The following SAE1 variants were observed in gnomAD, a reference collection of about 807,000 sequenced individuals.
The protein encoded by SAE1 is SUMO1 activating enzyme subunit 1.
Under a neutral mutation model 40.6 loss-of-function variants are expected in SAE1, and 11 were observed. The observed-to-expected ratio is 0.27, with a 90% CI of 0.17 to 0.45. The LOEUF is 0.45. Ranked by LOEUF, SAE1 falls within the 20% of genes least tolerant of loss-of-function variation. The pLI, the probability that SAE1 is intolerant of heterozygous loss-of-function variation, is 1.00. For missense variants in SAE1, 373 were observed against 427.3 expected (o/e 0.87, Z 1.12); for synonymous variants, 155 against 154.3 (o/e 1.00, Z -0.03).
At position 47,130,965 on chromosome 19, in the gene SAE1, G is replaced by A; in HGVS notation, c.35G>A (p.Ser12Asn). 2 of 1,549,984 alleles carry A rather than the reference G, an allele frequency of 1.3e-6. No individual in the cohort carries two copies. The highest frequency in any genetic ancestry group is 1.7e-6 in the Non-Finnish European group (2 of 1,146,494). Residue 12 changes from serine (S) to asparagine (N), a missense_variant, in exon 1 of 9, where the codon AGC becomes AAC. Transcript: ENST00000270225. ...AAGGAGGAGGCTGGCGGCGGCATTA[G>A]CGAGGAGGAGGCGGCACAGTATGAC... ...VEKEEAGGGI[S>N]EEEAAQYDRQ... is the part of the protein sequence containing the mutation.
chr19:47,189,676 T>TG (rs1422891219), intron 6 of SAE1, among the ~76,000 whole-genome samples: 1 of 152,130 alleles, frequency 6.6e-6, no homozygotes, highest in African/African-American at 2.4e-5. Context: ...GCTTTGGGCC[T>TG]GTCTCAGGTA....
At chr19:47,151,595 C>T (rs947261453) in intron 3 of SAE1, among the ~76,000 whole-genome samples, 1 of 152,166 alleles carries the variant, frequency 6.6e-6, no homozygotes, top group Non-Finnish European at 1.5e-5. Context: ...CTCAGCCTCC[C>T]GTTTTTACAC....
intron 6 of SAE1, among the ~76,000 whole-genome samples, chr19:47,192,146 C>G (rs1460256285): frequency 1.3e-5 from 2 of 152,114 alleles, no homozygotes; most frequent in Non-Finnish European, 1.5e-5. Context: ...GTGTCAGGCA[C>G]TATACTAAAC....
chr19:47,164,782 G>A (rs967873808), intron 5 of SAE1, among the ~76,000 whole-genome samples: 3 of 150,892 alleles, frequency 2.0e-5, no homozygotes, highest in Non-Finnish European at 2.9e-5. Flanking sequence ...CTGAGTAGAT[G>A]GAACTACAGG....
At chr19:47,190,980 T>C (rs966491312) in intron 6 of SAE1, among the ~76,000 whole-genome samples, 3 of 152,208 alleles carry the variant, frequency 2.0e-5, no homozygotes, top group African/African-American at 7.2e-5. Flanking sequence ...GGACCTGCTG[T>C]TTCTTTTGGA....
intron 7 of SAE1, among the ~76,000 whole-genome samples, chr19:47,202,909 C>CAAAAAAAAAAAAAAAAAAA (rs977786308): frequency 6.6e-6 from 1 of 151,980 alleles, no homozygotes; most frequent in African/African-American, 2.4e-5. Context: ...GACTCCGTCT[C>CAAAAAAAAAAAAAAAAAAA]AAAAAAAGTC....
intron 6 of SAE1, among the ~76,000 whole-genome samples, chr19:47,192,330 A>AT (rs1288704290): frequency 6.6e-6 from 1 of 151,950 alleles, no homozygotes; most frequent in Admixed American, 6.6e-5. Flanking sequence ...GGCTCACTGC[A>AT]ACCTCTGCCT....
chr19:47,208,498 T>C (rs553551816), intron 8 of SAE1, among the ~76,000 whole-genome samples: 1 of 152,248 alleles, frequency 6.6e-6, no homozygotes, highest in African/African-American at 2.4e-5. Flanking sequence ...TGGAGTGCGG[T>C]GGCGCAATCT....
chr19:47,203,418 T>C (rs1436492691), intron 7 of SAE1, among the ~76,000 whole-genome samples: 3 of 152,220 alleles, frequency 2.0e-5, no homozygotes, highest in Non-Finnish European at 4.4e-5. Flanking sequence ...CTTTAACTTA[T>C]AAAGGTAAAA....
intron 1 of SAE1, 44 bp from the exon 2 acceptor site, chr19:47,143,450 G>A (rs764061634): frequency 6.8e-7 from 1 of 1,473,684 alleles, no homozygotes; most frequent in South Asian, 1.1e-5. Context: ...GATTCTGCAA[G>A]CTCACTGTTC....
At chr19:47,133,125 G>T (rs2058157186) in intron 1 of SAE1, among the ~76,000 whole-genome samples, 1 of 152,200 alleles carries the variant, frequency 6.6e-6, no homozygotes, top group Non-Finnish European at 1.5e-5. Context: ...GAGAAATAAG[G>T]TGGCAGGAAC....
At chr19:47,149,475 C>G (rs559539356) in intron 2 of SAE1, among the ~76,000 whole-genome samples, 361 of 152,206 alleles carry the variant, frequency 2.4e-3, no homozygotes, top group Middle Eastern at 0.017. Context: ...CCTGCCCACA[C>G]TGGTCTAGTT....
At chr19:47,196,442 C>A (rs2058616678) in intron 6 of SAE1, among the ~76,000 whole-genome samples, 1 of 144,132 alleles carries the variant, frequency 6.9e-6, no homozygotes, top group Admixed American at 7.3e-5. Context: ...TGGTTCACTG[C>A]AACTTCCGCC....
At chr19:47,143,705 G>A in intron 2 of SAE1, 100 bp downstream of exon 2, 8 of 836,060 alleles carry the variant, frequency 9.6e-6, no homozygotes, top group Non-Finnish European at 1.6e-5. Flanking sequence ...TAAGGGCTGT[G>A]AAAGGAGGGC....
In SAE1 at chr19:47,155,203, T is replaced by C. The variant is rs145637374; in HGVS notation, c.617T>C (p.Met206Thr). The C allele has an allele frequency of 6.2e-7, 1 of 1,611,948 alleles. No homozygotes were observed. The highest frequency in any genetic ancestry group is 8.5e-7 in the Non-Finnish European group (1 of 1,178,602). ...RAKLDSSETT[M>T]VKKKVVFCPV... ...AAACTTGATTCTTCTGAGACAACGA[T>C]GGTCAAAAAGGTATGTGTAACGTGG... Residue 206 changes from methionine to threonine, a missense_variant, in exon 5 of 9, where the codon ATG (methionine) becomes ACG (threonine). Physicochemically the swap from Met to Thr is moderately conservative, Grantham distance 81. This residue lies in a region of SAE1 where 351 missense variants were observed against 390.6 expected (regional missense o/e 0.90). Transcript: ENST00000270225.
intron 2 of SAE1, among the ~76,000 whole-genome samples, chr19:47,144,088 C>T (rs2058239696): frequency 6.6e-6 from 1 of 152,138 alleles, no homozygotes; most frequent in Non-Finnish European, 1.5e-5. Flanking sequence ...AATCCCAACA[C>T]TTTGGAAGGC....
At chr19:47,157,094 A>G (rs968936506) in intron 5 of SAE1, among the ~76,000 whole-genome samples, 2 of 152,238 alleles carry the variant, frequency 1.3e-5, no homozygotes, top group Non-Finnish European at 1.5e-5. Context: ...GCAGAAAACC[A>G]CAAAAGTGGA....
chr19:47,207,825 G>T (rs934055774), intron 8 of SAE1, among the ~76,000 whole-genome samples: 10 of 151,964 alleles, frequency 6.6e-5, no homozygotes, highest in Non-Finnish European at 1.3e-4. Flanking sequence ...TTGTAGATAT[G>T]GGGTTTTGCC....
chr19:47,195,175 C>T (rs963544734), intron 6 of SAE1, among the ~76,000 whole-genome samples: 8 of 151,642 alleles, frequency 5.3e-5, no homozygotes, highest in African/African-American at 9.7e-5. Flanking sequence ...CTGCCTCAGC[C>T]TCCTGACTAA....
Sources: allele counts gnomAD v4.1 joint callset (sites outside exome capture counted in the v4.1 genomes callset), GRCh38; gene constraint gnomAD v4.1.1; regional missense constraint gnomAD v4.1.1; transcripts MANE v1.5; gene names NCBI Gene and HGNC (gene_info 2026-07-23, HGNC 2026-07-21).